Variants in CTSB observed in about 807,000 individuals in gnomAD.
CTSB encodes the protein APP secretase.
A neutral mutation model predicts 44.3 loss-of-function variants in CTSB; 57 were observed. The ratio of observed to expected loss-of-function variants is 1.29; its 90% CI spans 1.04 to 1.60. The LOEUF (loss-of-function observed/expected upper bound fraction) is 1.60. CTSB is among the 40% of genes most tolerant of loss of function. The pLI is 0.00. For synonymous variants in CTSB, 320 were observed against 168.0 expected (o/e 1.91, Z -7.00); for missense variants, 768 against 443.0 (o/e 1.73, Z -6.59).
chr8:11,850,312 G>C (rs1410310800), intron 4 of CTSB, among the ~76,000 whole-genome samples: 2 of 151,082 alleles, frequency 1.3e-5, no homozygotes, highest in Non-Finnish European at 2.9e-5. Context: ...TTAGCTACTG[G>C]GGAGACTGAG....
rs972884079 is a variant in CTSB, at chr8:11,845,591, G to A, written c.922+70C>T. 5 of 1,562,782 alleles carry A rather than the reference G, an allele frequency of 3.2e-6. No homozygotes were observed. The African/African-American group carries it at 5.4e-5, about 17-fold the overall frequency. On this transcript the variant is annotated intron_variant, in intron 9 of 9. Transcript: ENST00000353047. ...AAGGCTGTGCGGTGGGTAGAACAGA[G>A]AAAGCCGAGATGGCCACGGGGTGTG...
chr8:11,851,464 A>G (rs1307872118), intron 3 of CTSB, among the ~76,000 whole-genome samples: 1 of 152,234 alleles, frequency 6.6e-6, no homozygotes, highest in Non-Finnish European at 1.5e-5. Context: ...TGCTGGGATT[A>G]CAGGCATGAT....
At chr8:11,848,602 C>T (rs1813914965) in intron 5 of CTSB, 2 of 328,298 alleles carry the variant, frequency 6.1e-6, no homozygotes, top group Non-Finnish European at 1.2e-5. Context: ...TCTGCAGCCG[C>T]CAGTGAACAC....
chr8:11,859,277 A>G (rs947357022), intron 1 of CTSB, among the ~76,000 whole-genome samples: 1 of 152,002 alleles, frequency 6.6e-6, no homozygotes, highest in African/African-American at 2.4e-5. Flanking sequence ...TATCAACCAG[A>G]GCACCTTCCT....
chr8:11,860,314 AT>A (rs143786588), intron 1 of CTSB, among the ~76,000 whole-genome samples: 1,667 of 152,170 alleles, frequency 0.011, 28 homozygotes, highest in African/African-American at 0.038. Flanking sequence ...GGCTCCTCTC[AT>A]AGTCAGCTCT....
intron 1 of CTSB, among the ~76,000 whole-genome samples, chr8:11,860,455 C>T (rs187337757): frequency 7.2e-5 from 11 of 152,214 alleles, no homozygotes; most frequent in Non-Finnish European, 1.3e-4. Flanking sequence ...AATCCCATTT[C>T]TACTAAAAAT....
At chr8:11,865,998 G>A (rs1440173386) in intron 1 of CTSB, among the ~76,000 whole-genome samples, 96 of 144,590 alleles carry the variant, frequency 6.6e-4, no homozygotes, top group African/African-American at 2.3e-3. Flanking sequence ...CAGCCTGAGC[G>A]ATAGAGGGAG....
At chr8:11,848,371 A>T in intron 5 of CTSB, 1 of 664,670 alleles carries the variant, frequency 1.5e-6, no homozygotes, top group South Asian at 1.5e-5. Flanking sequence ...GCCCACAAAG[A>T]TCCGGGAGAA....
intron 6 of CTSB, 96 bp downstream of exon 6, chr8:11,847,971 G>C (rs887511143): frequency 2.2e-6 from 3 of 1,347,762 alleles, no homozygotes; most frequent in East Asian, 2.3e-5. Flanking sequence ...CAGCCCCTCT[G>C]TCTCAACCCC....
At chr8:11,860,486 G>A (rs1816251823) in intron 1 of CTSB, among the ~76,000 whole-genome samples, 2 of 152,088 alleles carry the variant, frequency 1.3e-5, no homozygotes, top group African/African-American at 4.8e-5. Flanking sequence ...AGCCAGGCGT[G>A]GTGGTTGTGC....
At position 11,852,685 on chromosome 8, in the gene CTSB, T is replaced by G; in HGVS notation, c.137A>C (p.Asn46Thr). The change falls in exon 3 of 10, where the codon AAC (asparagine) becomes ACC (threonine). Residue 46 changes from asparagine to threonine, a missense_variant. Physicochemically the swap from Asn to Thr is moderately conservative, Grantham distance 65. Coordinates refer to ENST00000353047, the MANE Select transcript of CTSB (RefSeq NM_001908.5). ...KRNTTWQAGH[N>T]FYNVDMSYLK... The stretch of plus-strand genomic sequence containing the variant: ...GTAGCTCATGTCCACGTTGTAGAAG[T>G]TGTGCCCGGCCTGGAAGAGAGTCAC... 1.2e-6 allele frequency: 2 copies of G among 1,614,002 alleles called. No individual in the cohort carries two copies. Among genetic ancestry groups the G allele is most frequent in the Non-Finnish European group, 1.7e-6 (2 of 1,180,012 alleles).
Position 11,852,680 on chromosome 8 carries a change from A to G in CTSB, c.142T>C (p.Tyr48His), listed in dbSNP as rs1814810411. ...NTTWQAGHNF[Y>H]NVDMSYLKRL... ...TTCAAGTAGCTCATGTCCACGTTGTAGAAGTTGTGCCCGGCCTGGAAGAGA... is the reference window on the plus strand; with the variant it reads ...TTCAAGTAGCTCATGTCCACGTTGTGGAAGTTGTGCCCGGCCTGGAAGAGA... Residue 48 changes from tyrosine (Y) to histidine (H), a missense_variant, in exon 3 of 10, where the codon TAC becomes CAC. Transcript: ENST00000353047. 1 of 1,613,956 alleles carries G rather than the reference A, an allele frequency of 6.2e-7. No individual in the cohort carries two copies. The highest frequency in any genetic ancestry group is 1.3e-5 in the African/African-American group (1 of 74,946).
chr8:11,850,841 T>C, intron 4 of CTSB, 25 bp downstream of exon 4: 1 of 1,562,976 alleles, frequency 6.4e-7, no homozygotes, highest in Non-Finnish European at 8.8e-7. Context: ...CTCCAGCGCT[T>C]CCCCGCCAGC....
intron 6 of CTSB, 87 bp from the exon 7 acceptor site, chr8:11,847,909 G>A: frequency 1.4e-6 from 2 of 1,475,246 alleles, no homozygotes; most frequent in African/African-American, 2.8e-5. Flanking sequence ...CTGCAGCATG[G>A]ACGCCAGGCA....
At chr8:11,856,692 AAAGC>A (rs1425836099) in intron 1 of CTSB, among the ~76,000 whole-genome samples, 2 of 152,208 alleles carry the variant, frequency 1.3e-5, no homozygotes, top group African/African-American at 2.4e-5. Context: ...AAGTGGGGAA[AAAGC>A]AAGCTGTGGG....
chr8:11,865,571 G>A (rs543175395), intron 1 of CTSB: 4 of 150,492 alleles, frequency 2.7e-5, no homozygotes, highest in Admixed American at 2.6e-4. Flanking sequence ...CTGGGTGAGA[G>A]AGTCAGACTC....
chr8:11,863,021 A>G (rs1175829581), intron 1 of CTSB, among the ~76,000 whole-genome samples: 2 of 152,212 alleles, frequency 1.3e-5, no homozygotes, highest in Non-Finnish European at 2.9e-5. Context: ...TTTAGAAAAC[A>G]TCAGTTCTGG....
At chr8:11,860,139 A>C (rs1816196089) in intron 1 of CTSB, among the ~76,000 whole-genome samples, 1 of 152,212 alleles carries the variant, frequency 6.6e-6, no homozygotes, top group South Asian at 2.1e-4. Flanking sequence ...CTGCACTTTA[A>C]ATCTGTAAAG....
intron 5 of CTSB, 122 bp downstream of exon 5, chr8:11,848,924 T>C (rs1173179810): frequency 6.0e-6 from 4 of 662,694 alleles, no homozygotes; most frequent in African/African-American, 5.4e-5. Context: ...ACTCTCGGAG[T>C]CTCCCCGAAA....
Sources: allele counts gnomAD v4.1 joint callset (sites outside exome capture counted in the v4.1 genomes callset), GRCh38; gene constraint gnomAD v4.1.1; transcripts MANE v1.5; gene names NCBI Gene and HGNC (gene_info 2026-07-23, HGNC 2026-07-21).